AP4S1: variants seen among roughly 807,000 people sequenced by gnomAD.
AP4S1 encodes the protein AP-4 complex subunit sigma-1.
In AP4S1, 23 loss-of-function variants were observed where a neutral mutation model predicts 19.8. The observed-to-expected ratio is 1.16, with a 90% CI of 0.84 to 1.65. The LOEUF is 1.65. Among genes scored for constraint, AP4S1 ranks in the 40% most tolerant of loss-of-function variants. The pLI, the probability that AP4S1 is intolerant of heterozygous loss-of-function variation, is 0.00. For missense variants in AP4S1, 166 were observed against 172.8 expected (o/e 0.96, Z 0.22); for synonymous variants, 46 against 54.1 (o/e 0.85, Z 0.66).
intron 1 of AP4S1, among the ~76,000 whole-genome samples, chr14:31,049,438 T>C (rs1488167565): frequency 4.1e-5 from 2 of 48,492 alleles, no homozygotes; most frequent in Non-Finnish European, 6.8e-5. Flanking sequence ...AATATATATA[T>C]ATATATATAT....
chr14:31,067,324 C>T (rs573423975), intron 2 of AP4S1, among the ~76,000 whole-genome samples: 1 of 150,644 alleles, frequency 6.6e-6, no homozygotes, highest in Non-Finnish European at 1.5e-5. Flanking sequence ...GGACAACATG[C>T]AGGTTTGTTA....
intron 1 of AP4S1, among the ~76,000 whole-genome samples, chr14:31,036,239 TAAAA>T (rs1238216253): frequency 6.6e-6 from 1 of 151,842 alleles, no homozygotes; most frequent in Non-Finnish European, 1.5e-5. Flanking sequence ...AAAAAATAAA[TAAAA>T]AGAAAAAACT....
intron 1 of AP4S1, among the ~76,000 whole-genome samples, chr14:31,059,422 A>T (rs1367606239): frequency 6.6e-6 from 1 of 152,196 alleles, no homozygotes; most frequent in Non-Finnish European, 1.5e-5. Context: ...TTACCACTTA[A>T]TGCAAGCAGG....
At chr14:31,076,913 G>A (rs1887389358) in intron 4 of AP4S1, among the ~76,000 whole-genome samples, 1 of 152,102 alleles carries the variant, frequency 6.6e-6, no homozygotes, top group Non-Finnish European at 1.5e-5. Flanking sequence ...AGAAGTAGCA[G>A]CGGCACAAGC....
intron 1 of AP4S1, among the ~76,000 whole-genome samples, chr14:31,031,249 A>G (rs1884372351): frequency 1.3e-5 from 2 of 152,176 alleles, no homozygotes; most frequent in Non-Finnish European, 2.9e-5. Flanking sequence ...ACCCAGTCTC[A>G]GGAAAGTTCT....
chr14:31,089,241 CATG>C (rs1187445083), intron 5 of AP4S1, among the ~76,000 whole-genome samples: 1 of 151,460 alleles, frequency 6.6e-6, no homozygotes. Flanking sequence ...GCAGAATCTT[CATG>C]ATGATAGCCT....
intron 1 of AP4S1, among the ~76,000 whole-genome samples, chr14:31,027,490 C>A (rs1232045720): frequency 5.9e-5 from 9 of 152,076 alleles, no homozygotes; most frequent in Non-Finnish European, 1.0e-4. Flanking sequence ...TGTGAAACCC[C>A]ATTTCTACTA....
intron 1 of AP4S1, among the ~76,000 whole-genome samples, chr14:31,047,485 T>A (rs921747895): frequency 2.0e-5 from 3 of 151,680 alleles, no homozygotes; most frequent in Non-Finnish European, 4.4e-5. Flanking sequence ...CTTCCTGGGT[T>A]CACGCCGTTC....
intron 4 of AP4S1, among the ~76,000 whole-genome samples, chr14:31,078,283 G>C (rs186804686): frequency 1.8e-4 from 28 of 152,348 alleles, no homozygotes; most frequent in African/African-American, 5.8e-4. Flanking sequence ...TGCAGAGATA[G>C]GAATGTTCTG....
chr14:31,068,217 C>T (rs918006275), intron 2 of AP4S1, among the ~76,000 whole-genome samples: 5 of 152,184 alleles, frequency 3.3e-5, no homozygotes, highest in African/African-American at 1.2e-4. Context: ...TTACTTAATC[C>T]GGTCCTAAAC....
intron 1 of AP4S1, among the ~76,000 whole-genome samples, chr14:31,047,602 A>G (rs1885491708): frequency 6.6e-6 from 1 of 151,842 alleles, no homozygotes; most frequent in African/African-American, 2.4e-5. Context: ...TCACTGTGTT[A>G]GCCAGGATGG....
intron 5 of AP4S1, among the ~76,000 whole-genome samples, chr14:31,088,108 A>C (rs371193556): frequency 2.8e-4 from 42 of 152,248 alleles, no homozygotes; most frequent in African/African-American, 1.0e-3. Context: ...AACAGTCCCC[A>C]GGATTCAGCC....
intron 1 of AP4S1, among the ~76,000 whole-genome samples, chr14:31,049,508 CAT>C (rs1491440437): frequency 1.4e-5 from 2 of 140,970 alleles, no homozygotes; most frequent in African/African-American, 5.4e-5. Context: ...CACACACACA[CAT>C]AAATTACCCT....
chr14:31,031,957 C>T (rs1029367654), intron 1 of AP4S1, among the ~76,000 whole-genome samples: 6 of 151,224 alleles, frequency 4.0e-5, no homozygotes, highest in Non-Finnish European at 7.4e-5. Context: ...ATTAACTGGG[C>T]GTGGTGGCAG....
At chr14:31,036,048 C>G (rs1884753387) in intron 1 of AP4S1, among the ~76,000 whole-genome samples, 1 of 149,480 alleles carries the variant, frequency 6.7e-6, no homozygotes, top group Non-Finnish European at 1.5e-5. Context: ...GGTTATTTAT[C>G]CTGGAGAATT....
Position 31,088,966 on chromosome 14 carries a change from A to T in AP4S1, c.307-3941A>T, listed in dbSNP as rs142354070. Among the ~76,000 whole-genome samples, 110 of 152,162 alleles carry T rather than the reference A, an allele frequency of 7.2e-4. No homozygotes were observed. The East Asian group carries it at 0.017, about 24-fold the overall frequency. The stretch of plus-strand genomic sequence containing the variant: ...CACTTCAGCCCAGGGGTTCAAGACC[A>T]GTCTGGGCAAGATAGTGAAACCCCG... On this transcript the variant is annotated intron_variant, in intron 5 of 5. Transcript: ENST00000542754.
intron 3 of AP4S1, among the ~76,000 whole-genome samples, chr14:31,072,683 A>G (rs1887078234): frequency 6.6e-6 from 1 of 152,196 alleles, no homozygotes; most frequent in South Asian, 2.1e-4. Context: ...AAAAAATCCT[A>G]GAAGTTAAGG....
chr14:31,040,065 C>T (rs1193601299), intron 1 of AP4S1, among the ~76,000 whole-genome samples: 2 of 151,900 alleles, frequency 1.3e-5, no homozygotes, highest in Non-Finnish European at 2.9e-5. Context: ...CTCCATAATC[C>T]CAGTACTGCA....
At chr14:31,088,513 A>C (rs898811401) in intron 5 of AP4S1, among the ~76,000 whole-genome samples, 1 of 152,038 alleles carries the variant, frequency 6.6e-6, no homozygotes, top group Non-Finnish European at 1.5e-5. Flanking sequence ...AACCTACTTT[A>C]AAAAAAGATA....
Sources: allele counts gnomAD v4.1 joint callset (sites outside exome capture counted in the v4.1 genomes callset), GRCh38; gene constraint gnomAD v4.1.1; transcripts MANE v1.5; gene names NCBI Gene and HGNC (gene_info 2026-07-23, HGNC 2026-07-21).